The following PRDM16 variants were observed in gnomAD, a reference collection of about 807,000 sequenced individuals.
PRDM16 encodes the protein histone-lysine N-methyltransferase PRDM16.
A neutral mutation model predicts 110.6 loss-of-function variants in PRDM16; 23 were observed. The observed-to-expected ratio is 0.21, with a 90% confidence interval of 0.15 to 0.29. The LOEUF (loss-of-function observed/expected upper bound fraction) is 0.29. Among genes scored for constraint, PRDM16 ranks in the 10% least tolerant of loss-of-function variants. The probability of loss-of-function intolerance (pLI) is 1.00; values close to 1 mark genes in which losing one functional copy is unlikely to be tolerated. For synonymous variants in PRDM16, 799 were observed against 781.8 expected, an observed-to-expected ratio of 1.02 and a Z score of -0.37; for missense variants, 1,615 against 1,794.3, an observed-to-expected ratio of 0.90 and a Z score of 1.81.
At chr1:3,262,300 C>A (rs1246751532) in intron 3 of PRDM16, among the ~76,000 whole-genome samples, 1 of 152,212 alleles carries the variant, frequency 6.6e-6, no homozygotes, top group Non-Finnish European at 1.5e-5. Context: ...CTCCCTCCTT[C>A]CCCCAGGGAC....
At chr1:3,197,087 C>T (rs548587296) in intron 2 of PRDM16, among the ~76,000 whole-genome samples, 1 of 152,314 alleles carries the variant, frequency 6.6e-6, no homozygotes, top group South Asian at 2.1e-4. Flanking sequence ...ACCAGCCACG[C>T]GCCCCCGGGC....
rs114501477 is a variant in PRDM16, at chr1:3,365,798, G to A, written c.439-19354G>A. Reference sequence around the variant, plus strand: ...ATTATCATTTGTGCTAATCAGAGCCGTTTGGAGGAGGTTGGGGTGGAAGGA... The same window carrying A: ...ATTATCATTTGTGCTAATCAGAGCCATTTGGAGGAGGTTGGGGTGGAAGGA... On this transcript the variant is annotated intron_variant, in intron 3 of 16. Transcript: ENST00000270722. 4.1e-3 allele frequency among the ~76,000 whole-genome samples: 623 copies of A among 152,346 alleles called. 4 individuals carry two copies. The highest frequency in any genetic ancestry group is 0.014 in the African/African-American group (585 of 41,584).
Position 3,346,601 on chromosome 1 carries a change from C to T in PRDM16, c.439-38551C>T, listed in dbSNP as rs577526862. ...TGGGGGCAGGCAACACAGACACCCC[C>T]TCCACCTGCGAGCCTCTCGATGGCC... On this transcript the variant is annotated intron_variant, in intron 3 of 16. Transcript: ENST00000270722. 6.6e-5 allele frequency among the ~76,000 whole-genome samples: 10 copies of T among 152,270 alleles called. 1 individual carries two copies. The South Asian group carries it at 1.9e-3, about 28-fold the overall frequency.
At chr1:3,306,969 G>A (rs4648472) in intron 3 of PRDM16, 72,719 of 152,016 alleles carry the variant, frequency 0.48, 18,450 homozygotes, top group Non-Finnish European at 0.56. Flanking sequence ...ACTCAGTCCC[G>A]TGGTTCCCAG....
At chr1:3,166,403 C>T (rs756055231) in intron 1 of PRDM16, among the ~76,000 whole-genome samples, 3 of 152,228 alleles carry the variant, frequency 2.0e-5, no homozygotes, top group Non-Finnish European at 4.4e-5. Context: ...GTGGACAATT[C>T]TAGCAAGGAG....
intron 3 of PRDM16, among the ~76,000 whole-genome samples, chr1:3,317,733 C>T (rs1641644620): frequency 6.6e-6 from 1 of 152,188 alleles, no homozygotes; most frequent in Non-Finnish European, 1.5e-5. Flanking sequence ...CATGAGTGTC[C>T]CCTCCTCCTC....
chr1:3,212,438 G>C (rs901178561), intron 2 of PRDM16, among the ~76,000 whole-genome samples: 2 of 152,090 alleles, frequency 1.3e-5, no homozygotes, highest in African/African-American at 4.8e-5. Flanking sequence ...GCCTGGAGCC[G>C]GCCGGACGCT....
At chr1:3,176,411 G>C (rs1644090961) in intron 1 of PRDM16, among the ~76,000 whole-genome samples, 1 of 150,472 alleles carries the variant, frequency 6.6e-6, no homozygotes, top group Non-Finnish European at 1.5e-5. Flanking sequence ...CTCATGCTGG[G>C]TCCTGCCTCT....
chr1:3,285,357 G>T (rs1421041053), intron 3 of PRDM16, among the ~76,000 whole-genome samples: 1 of 152,192 alleles, frequency 6.6e-6, no homozygotes. Flanking sequence ...TCACCCCATT[G>T]TTCCCCAGGC....
chr1:3,324,740 C>T (rs1004447170), intron 3 of PRDM16, among the ~76,000 whole-genome samples: 1 of 148,180 alleles, frequency 6.7e-6, no homozygotes, highest in Non-Finnish European at 1.5e-5. Flanking sequence ...CGTCGTCACC[C>T]CCCCTTGATT....
At chr1:3,253,275 T>C (rs1387124569) in intron 3 of PRDM16, among the ~76,000 whole-genome samples, 2 of 151,862 alleles carry the variant, frequency 1.3e-5, no homozygotes, top group Non-Finnish European at 1.5e-5. Flanking sequence ...GTTACATATG[T>C]ATACATGTGC....
At chr1:3,248,682 A>G (rs1274976796) in intron 3 of PRDM16, among the ~76,000 whole-genome samples, 1 of 152,230 alleles carries the variant, frequency 6.6e-6, no homozygotes, top group East Asian at 1.9e-4. Context: ...ATTATTACGT[A>G]CAAAATGCTA....
At chr1:3,225,648 C>T (rs1639273163) in intron 2 of PRDM16, among the ~76,000 whole-genome samples, 1 of 151,504 alleles carries the variant, frequency 6.6e-6, no homozygotes, top group African/African-American at 2.4e-5. Flanking sequence ...AGAATTCTAA[C>T]TTATTTTGGC....
At chr1:3,260,688 G>C (rs1350273815) in intron 3 of PRDM16, among the ~76,000 whole-genome samples, 1 of 5,848 alleles carries the variant, frequency 1.7e-4, no homozygotes, top group Non-Finnish European at 4.4e-4. Context: ...TGATTATGAT[G>C]GTGTTGATGA....
At chr1:3,263,587 G>A (rs552935485) in intron 3 of PRDM16, among the ~76,000 whole-genome samples, 1 of 152,334 alleles carries the variant, frequency 6.6e-6, no homozygotes, top group East Asian at 1.9e-4. Context: ...CATCCCATGG[G>A]GAACTTTCCC....
At chr1:3,384,158 T>C (rs1643156411) in intron 3 of PRDM16, among the ~76,000 whole-genome samples, 1 of 150,276 alleles carries the variant, frequency 6.7e-6, no homozygotes, top group Non-Finnish European at 1.5e-5. Flanking sequence ...CCCACCCATA[T>C]GCACCTGTCC....
chr1:3,394,882 G>T (rs1022884444), intron 4 of PRDM16, among the ~76,000 whole-genome samples: 1 of 151,592 alleles, frequency 6.6e-6, no homozygotes, highest in Admixed American at 6.6e-5. Context: ...CAAAACTGGG[G>T]TCCTAATAAT....
rs1298096174 is a variant in PRDM16, at chr1:3,069,518, G to A, written c.37+222G>A. ...CCCGGGCCGCGCGCTCCCCGAAGGC[G>A]CCGGCCCCCTCCCCGCGGAACCCCC... On this transcript the variant is annotated intron_variant, in intron 1 of 16. Transcript: ENST00000270722. The surrounding 1 kb of genome is among the most constrained non-coding windows in gnomAD (Gnocchi z 6.1). Among the ~76,000 whole-genome samples, 2 of 147,452 alleles carry A rather than the reference G, an allele frequency of 1.4e-5. No individual in the cohort carries two copies. Among genetic ancestry groups the A allele is most frequent in the African/African-American group, 2.5e-5 (1 of 40,720 alleles).
chr1:3,084,792 C>T (rs999779805), intron 1 of PRDM16, among the ~76,000 whole-genome samples: 14 of 152,306 alleles, frequency 9.2e-5, no homozygotes, highest in African/African-American at 3.4e-4. Flanking sequence ...CGGGCGTCCC[C>T]CTTGGATCAC....
Sources: allele counts gnomAD v4.1 joint callset (sites outside exome capture counted in the v4.1 genomes callset), GRCh38; gene constraint gnomAD v4.1.1; non-coding constraint Gnocchi (gnomAD v3.1); transcripts MANE v1.5; gene names NCBI Gene and HGNC (gene_info 2026-07-23, HGNC 2026-07-21).